SLC75A1: variants seen among roughly 807,000 people sequenced by gnomAD.
SLC75A1 encodes major facilitator superfamily domain containing 10.
chr4:2,932,545 G>A, the SLC75A1 span: 1 of 1,612,750 alleles, frequency 6.2e-7, no homozygotes, highest in Non-Finnish European at 8.5e-7. Context: ...TGCACAGGGA[G>A]ACCCAGGCCC....
chr4:2,931,349 T>G, the SLC75A1 span: 1 of 1,544,242 alleles, frequency 6.5e-7, no homozygotes, highest in Non-Finnish European at 8.7e-7. Flanking sequence ...GCCCATCGGA[T>G]CCCCTGCCAG....
chr4:2,933,265 G>GA, the SLC75A1 span: 1 of 1,543,224 alleles, frequency 6.5e-7, no homozygotes, highest in Non-Finnish European at 8.9e-7. Context: ...CTGTGGTCTT[G>GA]GGGCCCTCAA....
chr4:2,932,472 C>A, the SLC75A1 span: 3 of 1,613,674 alleles, frequency 1.9e-6, no homozygotes, highest in Non-Finnish European at 1.7e-6. Context: ...GAGCATAGGG[C>A]CCAGGGTGAA....
At chr4:2,932,263 T>A in the SLC75A1 span, 2 of 1,551,950 alleles carry the variant, frequency 1.3e-6, no homozygotes, top group Non-Finnish European at 1.7e-6. Context: ...CTCCCTGGCA[T>A]CTGGGGCTGG....
At chr4:2,933,893 G>A in the SLC75A1 span, 1 of 1,575,692 alleles carries the variant, frequency 6.3e-7, no homozygotes, top group East Asian at 2.3e-5. Flanking sequence ...GGTGGGCGCG[G>A]GGTGCAGCCT....
chr4:2,932,205 C>A, the SLC75A1 span: 1 of 1,562,266 alleles, frequency 6.4e-7, no homozygotes. Flanking sequence ...GCCTGGCAAC[C>A]CACGGACTGT....
the SLC75A1 span, chr4:2,933,269 CCCT>C: frequency 6.7e-7 from 1 of 1,485,148 alleles, no homozygotes; most frequent in Non-Finnish European, 9.3e-7. Context: ...GGTCTTGGGG[CCCT>C]CAAGGCCAAT....
chr4:2,932,533 G>C, the SLC75A1 span: 5 of 1,613,154 alleles, frequency 3.1e-6, no homozygotes, highest in Non-Finnish European at 4.2e-6. Flanking sequence ...GACCACCCGA[G>C]CTGCACAGGG....
chr4:2,933,903 T>C, the SLC75A1 span: 1 of 1,568,604 alleles, frequency 6.4e-7, no homozygotes, highest in Non-Finnish European at 8.6e-7. Context: ...GGGTGCAGCC[T>C]CCACCCCCTC....
At chr4:2,933,532 T>C in the SLC75A1 span, 16 of 1,607,366 alleles carry the variant, frequency 1.0e-5, no homozygotes, top group African/African-American at 2.7e-5. Flanking sequence ...CATAGGACCG[T>C]AGAGAGCCCG....
chr4:2,932,263 T>C, the SLC75A1 span: 1 of 1,551,832 alleles, frequency 6.4e-7, no homozygotes, highest in African/African-American at 1.4e-5. Context: ...CTCCCTGGCA[T>C]CTGGGGCTGG....
chr4:2,931,521 C>G, the SLC75A1 span: 2 of 1,599,988 alleles, frequency 1.3e-6, no homozygotes, highest in South Asian at 2.2e-5. Flanking sequence ...ACTCAGGGGA[C>G]TGCCTGCCAC....
the SLC75A1 span, chr4:2,930,681 T>TAAGTC: frequency 1.4e-6 from 1 of 725,872 alleles, no homozygotes; most frequent in Non-Finnish European, 2.3e-6. Flanking sequence ...AAGGAGTAAG[T>TAAGTC]AAGTCTGGAG....
At chr4:2,934,164 G>T in the SLC75A1 span, 1 of 583,328 alleles carries the variant, frequency 1.7e-6, no homozygotes, top group Non-Finnish European at 3.1e-6. Flanking sequence ...AGCCGCAAAG[G>T]CAACGGTCCT....
the SLC75A1 span, chr4:2,933,618 T>C: frequency 6.2e-7 from 1 of 1,612,904 alleles, no homozygotes; most frequent in African/African-American, 1.3e-5. Flanking sequence ...CCGATGGCGG[T>C]GGCAAACCAG....
the SLC75A1 span, chr4:2,932,684 A>C: frequency 6.2e-7 from 1 of 1,609,972 alleles, no homozygotes. Context: ...TGATGCCCCC[A>C]ATCAGCCTGG....
chr4:2,931,453 G>A, the SLC75A1 span: 1 of 1,568,394 alleles, frequency 6.4e-7, no homozygotes, highest in Admixed American at 1.9e-5. Context: ...GCGGGCACCA[G>A]CAGCAGGAGG....
the SLC75A1 span, chr4:2,933,165 G>A: frequency 6.2e-7 from 1 of 1,613,728 alleles, no homozygotes; most frequent in Non-Finnish European, 8.5e-7. Context: ...CCAGTGAGTG[G>A]CGCACACAGA....
the SLC75A1 span, chr4:2,933,764 C>G: frequency 6.3e-7 from 1 of 1,598,672 alleles, no homozygotes; most frequent in South Asian, 1.1e-5. Flanking sequence ...TGGGCACGGC[C>G]GTGGCTCTCC....
Sources: gnomAD v4.1 joint callset for allele counts on GRCh38, gnomAD v4.1.1 for gene constraint, MANE v1.5 for transcripts, NCBI Gene and HGNC (gene_info 2026-07-23, HGNC 2026-07-21) for gene names.